Variants in IRS1 observed in about 807,000 individuals in gnomAD.
IRS1 encodes the protein insulin receptor substrate 1.
In IRS1, 34 loss-of-function variants were observed where a neutral mutation model predicts 65.6. The observed-to-expected ratio is 0.52, with a 90% CI of 0.39 to 0.69. The LOEUF is 0.69. IRS1 is among the 30% of genes least tolerant of loss of function. The pLI, the probability that IRS1 is intolerant of heterozygous loss-of-function variation, is 0.00. For synonymous variants in IRS1, 699 were observed against 683.5 expected (o/e 1.02, Z -0.35); for missense variants, 1,641 against 1,720.2 (o/e 0.95, Z 0.81).
chr2:226,764,542 C>CA (rs1363868391), intron 1 of IRS1, among the ~76,000 whole-genome samples: 1 of 151,532 alleles, frequency 6.6e-6, no homozygotes, highest in South Asian at 2.1e-4. Context: ...GACCCTGTTT[C>CA]AAAAAAAGAA....
intron 1 of IRS1, among the ~76,000 whole-genome samples, chr2:226,774,510 A>G (rs575241141): frequency 7.2e-5 from 11 of 152,304 alleles, no homozygotes; most frequent in Non-Finnish European, 5.9e-5. Flanking sequence ...AATTTGGGGG[A>G]GGAAAATGAT....
At position 226,798,036 on chromosome 2, in the gene IRS1, C is replaced by A; in HGVS notation, c.703G>T (p.Glu235Ter). The A allele has an allele frequency of 6.2e-7, 1 of 1,614,106 alleles. No homozygotes were observed. The highest frequency in any genetic ancestry group is 8.5e-7 in the Non-Finnish European group (1 of 1,180,026). Residue 235 changes from glutamate (E) to a stop codon, truncating the protein, a stop_gained, in exon 1 of 2, where the codon GAG becomes TAG. Coordinates refer to ENST00000305123, the MANE Select transcript of IRS1 (RefSeq NM_005544.3). LOFTEE classifies it high-confidence loss of function. This position sits in a 1 kb window ranked among gnomAD's most constrained non-coding sequence, Gnocchi z 9.4. ...GAGTCATCCACCTGCATCCAGAACT[C>A]CCCGGGCCCCGTCACGGCAGAACGG... The part of the protein sequence containing the change: ...VGRSAVTGPG[E>*]FWMQVDDSVV...
chr2:226,783,550 T>C (rs1185107296), intron 1 of IRS1, among the ~76,000 whole-genome samples: 1 of 152,218 alleles, frequency 6.6e-6, no homozygotes, highest in Non-Finnish European at 1.5e-5. Context: ...TTTAAGGGAA[T>C]ATAAGTGTTT....
At chr2:226,738,744 A>G (rs983688784) in intron 1 of IRS1, among the ~76,000 whole-genome samples, 1 of 152,244 alleles carries the variant, frequency 6.6e-6, no homozygotes, top group Non-Finnish European at 1.5e-5. Context: ...TGTTCCCACC[A>G]GAATTTCTAG....
At position 226,780,244 on chromosome 2, in the gene IRS1, T is replaced by G. The variant is rs772954690; in HGVS notation, c.*21+14745A>C. ...CATCTCTACTAAAAATACAAAAAAT[T>G]AGCTGGGCATGGTGGCAGGTGCCTG... is the stretch of plus-strand genomic sequence containing the variant. On this transcript the variant is annotated intron_variant, in intron 1 of 1. Coordinates refer to ENST00000305123, the MANE Select transcript of IRS1 (RefSeq NM_005544.3). 7.9e-4 allele frequency among the ~76,000 whole-genome samples: 120 copies of G among 152,038 alleles called. No homozygotes were observed. The Middle Eastern group carries it at 0.024, about 30-fold the overall frequency.
At chr2:226,740,562 C>T (rs1010464768) in intron 1 of IRS1, among the ~76,000 whole-genome samples, 2 of 152,072 alleles carry the variant, frequency 1.3e-5, no homozygotes, top group Non-Finnish European at 2.9e-5. Context: ...GGAAACAGCA[C>T]AAGAGTATAA....
At chr2:226,779,029 T>G (rs1939330584) in intron 1 of IRS1, among the ~76,000 whole-genome samples, 2 of 152,180 alleles carry the variant, frequency 1.3e-5, no homozygotes, top group Non-Finnish European at 2.9e-5. Context: ...CAGTTGTAAT[T>G]CAAGAACTTA....
chr2:226,798,404 T>C lies in IRS1; in HGVS notation c.335A>G (p.Gln112Arg). 1 of 1,614,012 alleles carries C rather than the reference T, an allele frequency of 6.2e-7. No homozygotes were observed. ...GTGGCCCTTAGCACGGTTGTGCAGC[T>C]GTAGGAGAGCCTGGTACCAGCTGTC... Reference protein sequence around the residue: ...EQDSWYQALLQLHNRAKGHHD... With the variant: ...EQDSWYQALLRLHNRAKGHHD... The change falls in exon 1 of 2, where the codon CAG (glutamine) becomes CGG (arginine). Residue 112 changes from glutamine (Q) to arginine (R), a missense_variant. By Grantham distance (43) the Gln-to-Arg change is conservative. This residue lies in a region of IRS1 where 240 missense variants were observed against 229.6 expected (regional missense o/e 1.05). Transcript: ENST00000305123. This position sits in a 1 kb window ranked among gnomAD's most constrained non-coding sequence, Gnocchi z 9.4.
chr2:226,762,630 C>T (rs1938938885), intron 1 of IRS1, among the ~76,000 whole-genome samples: 1 of 152,186 alleles, frequency 6.6e-6, no homozygotes, highest in African/African-American at 2.4e-5. Flanking sequence ...ATAAGCTTTC[C>T]AGAAACAGGT....
At chr2:226,765,222 C>T (rs940586258) in intron 1 of IRS1, among the ~76,000 whole-genome samples, 1 of 152,176 alleles carries the variant, frequency 6.6e-6, no homozygotes, top group Non-Finnish European at 1.5e-5. Context: ...TAGGCATGTG[C>T]CACTATGCCC....
At chr2:226,746,982 G>A (rs1045918206) in intron 1 of IRS1, among the ~76,000 whole-genome samples, 5 of 151,732 alleles carry the variant, frequency 3.3e-5, no homozygotes, top group African/African-American at 9.7e-5. Flanking sequence ...TAGAGACGGG[G>A]TTTCACCATG....
Position 226,731,432 on chromosome 2 carries a change from AAGACACTACAATTCT to A in IRS1, c.*4825_*4839del, listed in dbSNP as rs1396927579. 1 of 152,216 alleles carries A rather than the reference AAGACACTACAATTCT, an allele frequency of 6.6e-6. No homozygotes were observed. Among genetic ancestry groups the A allele is most frequent in the Non-Finnish European group, 1.5e-5 (1 of 68,036 alleles). 9.4% of individuals were successfully genotyped at this position (152,216 alleles called of 1,614,324 possible). On this transcript the variant is annotated 3_prime_UTR_variant, in exon 2 of 2. Coordinates refer to ENST00000305123, the MANE Select transcript of IRS1 (RefSeq NM_005544.3). The stretch of plus-strand genomic sequence containing the variant: ...AGACAGTTTTCTTTAATTGATGATG[AAGACACTACAATTCT>A]AAGTACCAGACAGAATCAGGAAAAA...
chr2:226,791,779 G>A (rs972490495), intron 1 of IRS1, among the ~76,000 whole-genome samples: 1 of 151,946 alleles, frequency 6.6e-6, no homozygotes, highest in African/African-American at 2.4e-5. Context: ...AGAGCCGCGC[G>A]GCTGTGCCCG....
chr2:226,791,851 G>A (rs1939616032), intron 1 of IRS1, among the ~76,000 whole-genome samples: 1 of 152,106 alleles, frequency 6.6e-6, no homozygotes, highest in Admixed American at 6.5e-5. Flanking sequence ...CACCGCCCTG[G>A]ATGACCCGAG....
At chr2:226,744,088 A>G (rs1938492621) in intron 1 of IRS1, among the ~76,000 whole-genome samples, 1 of 152,196 alleles carries the variant, frequency 6.6e-6, no homozygotes, top group Admixed American at 6.5e-5. Flanking sequence ...CCCAGGAATC[A>G]GGCACCAAAC....
Position 226,799,365 on chromosome 2 carries a change from T to TTGCTGC in IRS1, c.-633_-628dup, listed in dbSNP as rs769109350. ...GACCGCGGCGCTGCGGCTGTTGCTG[T>TTGCTGC]TGCTGCTGCTGCTGCTGCTGCTGCT... On this transcript the variant is annotated 5_prime_UTR_variant, in exon 1 of 2. Transcript: ENST00000305123. This position sits in a 1 kb window ranked among gnomAD's most constrained non-coding sequence, Gnocchi z 6.1. The TTGCTGC allele has an allele frequency of 1.3e-4, 156 of 1,239,844 alleles. 5 individuals carry two copies. In the East Asian group the frequency reaches 4.6e-3, roughly 37 times the overall value. The allele number at this position is 1,239,844 out of a possible 1,614,324, so 76.8% of individuals were successfully genotyped here. A position where few individuals can be genotyped will look rare whatever the true frequency, so the allele number is the denominator to read the frequency against.
intron 1 of IRS1, among the ~76,000 whole-genome samples, chr2:226,782,608 G>A (rs1242161476): frequency 1.3e-5 from 2 of 152,178 alleles, no homozygotes; most frequent in Admixed American, 1.3e-4. Flanking sequence ...GTAAGTCATT[G>A]GTGAAGAGAC....
chr2:226,752,611 A>G (rs1010976301), intron 1 of IRS1, among the ~76,000 whole-genome samples: 2 of 152,246 alleles, frequency 1.3e-5, no homozygotes, highest in African/African-American at 4.8e-5. Context: ...ATACTTCCCA[A>G]GAGCTAATTT....
In IRS1 at chr2:226,731,848, A is replaced by G. The variant is rs981979926; in HGVS notation, c.*4424T>C. On this transcript the variant is annotated 3_prime_UTR_variant, in exon 2 of 2. Transcript: ENST00000305123. ...GAAGTTCTAAAAAGAAAAAGAAAAA[A>G]AAAACCCTACAAATGTCTATGCAAA... The G allele has an allele frequency of 1.3e-5, 2 of 152,180 alleles. No individual in the cohort carries two copies. The highest frequency in any genetic ancestry group is 2.9e-5 in the Non-Finnish European group (2 of 68,028). 9.4% of individuals were successfully genotyped at this position (152,180 alleles called of 1,614,324 possible). A position where few individuals can be genotyped will look rare whatever the true frequency, so the allele number is the denominator to read the frequency against.
Sources: gnomAD v4.1 joint callset for allele counts (sites outside exome capture counted in the v4.1 genomes callset) on GRCh38, gnomAD v4.1.1 for gene constraint, gnomAD v4.1.1 regional missense constraint, Gnocchi (gnomAD v3.1) non-coding constraint, MANE v1.5 for transcripts, NCBI Gene and HGNC (gene_info 2026-07-23, HGNC 2026-07-21) for gene names.